MAOB: variants seen among roughly 807,000 people sequenced by gnomAD.
MAOB encodes monoamine oxidase B.
In MAOB, 15 loss-of-function variants were observed where a neutral mutation model predicts 41.9. That is an observed-to-expected ratio of 0.36 (90% CI 0.24 to 0.55). MAOB has a LOEUF of 0.55. Among genes scored for constraint, MAOB ranks in the 20% least tolerant of loss-of-function variants. The pLI, the probability that MAOB is intolerant of heterozygous loss-of-function variation, is 0.86. For synonymous variants in MAOB, 167 were observed against 144.2 expected, an observed-to-expected ratio of 1.16 and a Z score of -1.13; for missense variants, 345 against 398.7, an observed-to-expected ratio of 0.87 and a Z score of 1.15.
rs55922134 is a variant in MAOB, at chrX:43,769,432, C to A, written c.1236-14G>T. On this transcript the variant is annotated splice_polypyrimidine_tract_variant and intron_variant, in intron 12 of 14. Transcript: ENST00000378069. ...TGGCGTAGAACCCTTGGAACAAAAC[C>A]AAAGAGGCAAAAGTGGTCAGTCTCA... The A allele has an allele frequency of 8.3e-7, 1 of 1,202,630 alleles. No individual in the cohort carries two copies. Among genetic ancestry groups the A allele is most frequent in the Non-Finnish European group, 1.1e-6 (1 of 892,151 alleles).
chrX:43,808,010 C>A (rs1350041750), intron 3 of MAOB, among the ~76,000 whole-genome samples: 1 of 111,680 alleles, frequency 9.0e-6, no homozygotes, highest in Non-Finnish European at 1.9e-5. Context: ...TCCCTACCAG[C>A]AGAGTAGTGC....
chrX:43,853,267 C>CAAAAAAAAAAA (rs397957481), intron 1 of MAOB, among the ~76,000 whole-genome samples: 13 of 26,199 alleles, frequency 5.0e-4, no homozygotes, highest in East Asian at 9.4e-4. Context: ...GAGTCCGTCT[C>CAAAAAAAAAAA]AAAAAAAAAA....
In MAOB at chrX:43,803,419, A is replaced by T. The variant is rs760731460; in HGVS notation, c.280-15T>A. ...TATGATTTGCCCTGTGAGATACAAG[A>T]TATTTTTAAAAGGAAATATTTACTA... On this transcript the variant is annotated splice_polypyrimidine_tract_variant and intron_variant, in intron 3 of 14. Coordinates refer to ENST00000378069, the MANE Select transcript of MAOB (RefSeq NM_000898.5). 8.6e-7 allele frequency: 1 copy of T among 1,165,323 alleles called. No individual in the cohort carries two copies. Among genetic ancestry groups the T allele is most frequent in the Admixed American group, 3.0e-5 (1 of 32,848 alleles).
chrX:43,822,767 G>A (rs748658568), intron 3 of MAOB, among the ~76,000 whole-genome samples: 42 of 111,222 alleles, frequency 3.8e-4, no homozygotes, highest in Non-Finnish European at 6.0e-4. Flanking sequence ...GAGAAGTCAT[G>A]AGCACAAAGA....
intron 5 of MAOB, among the ~76,000 whole-genome samples, chrX:43,800,613 A>G (rs1051068448): frequency 1.3e-4 from 14 of 111,541 alleles, no homozygotes; most frequent in Middle Eastern, 4.7e-3. Context: ...AGTATTGTAT[A>G]ATGATAATAA....
chrX:43,786,708 G>A (rs1422292105), intron 8 of MAOB, among the ~76,000 whole-genome samples: 2 of 111,798 alleles, frequency 1.8e-5, no homozygotes, highest in African/African-American at 6.5e-5. Flanking sequence ...TGTGGGGATC[G>A]GTTGGACAGG....
At chrX:43,769,985 C>T (rs547104375) in intron 12 of MAOB, among the ~76,000 whole-genome samples, 1 of 111,507 alleles carries the variant, frequency 9.0e-6, no homozygotes, top group African/African-American at 3.3e-5. Flanking sequence ...CTATTATTAT[C>T]ACCATTTTGC....
rs188187542 is a variant in MAOB, at chrX:43,831,450, T to C, written c.279+7418A>G. 3.7e-3 allele frequency among the ~76,000 whole-genome samples: 411 copies of C among 110,609 alleles called. 3 individuals carry two copies. The highest frequency in any genetic ancestry group is 0.013 in the African/African-American group (394 of 30,407). On this transcript the variant is annotated intron_variant, in intron 3 of 14. Transcript: ENST00000378069. ...ACAAAAAAAAAGCCGTAACATTTGG[T>C]GTATGACATTCCAGACCTCTTATAT...
intron 3 of MAOB, among the ~76,000 whole-genome samples, chrX:43,810,540 A>AC: frequency 9.0e-6 from 1 of 110,770 alleles, no homozygotes; most frequent in East Asian, 2.8e-4. Flanking sequence ...GAGCCACAAA[A>AC]ACAAAAGCTA....
intron 1 of MAOB, among the ~76,000 whole-genome samples, chrX:43,851,084 A>G (rs1281124840): frequency 8.9e-6 from 1 of 112,013 alleles, no homozygotes; most frequent in African/African-American, 3.2e-5. Context: ...GGAAGACAAA[A>G]TTTGTTTTTG....
At chrX:43,881,102 C>T (rs2035470083) in intron 1 of MAOB, among the ~76,000 whole-genome samples, 1 of 113,145 alleles carries the variant, frequency 8.8e-6, no homozygotes, top group South Asian at 3.6e-4. Context: ...CCAGAGCCTG[C>T]TAGACAGATG....
chrX:43,822,531 A>G, intron 3 of MAOB, among the ~76,000 whole-genome samples: 1 of 111,720 alleles, frequency 9.0e-6, no homozygotes. Context: ...ATGAAGGAAG[A>G]GGCAAGTTTG....
chrX:43,775,055 G>GTTTTTTTT (rs373072993), intron 12 of MAOB, 120 bp downstream of exon 12: 4 of 616,978 alleles, frequency 6.5e-6, no homozygotes, highest in Non-Finnish European at 8.0e-6. Flanking sequence ...AAATTGGGTT[G>GTTTTTTTT]TTTTTTTTTT....
At chrX:43,773,114 T>C (rs1039515038) in intron 12 of MAOB, among the ~76,000 whole-genome samples, 1 of 112,445 alleles carries the variant, frequency 8.9e-6, no homozygotes, top group African/African-American at 3.2e-5. Flanking sequence ...TGTGGGATCC[T>C]AGCGTTTTCC....
chrX:43,847,082 G>A (rs984232232), intron 1 of MAOB, among the ~76,000 whole-genome samples: 4 of 112,241 alleles, frequency 3.6e-5, no homozygotes, highest in African/African-American at 1.3e-4. Flanking sequence ...GGTGGCTTAC[G>A]CCTGTAATCC....
At chrX:43,788,430 A>C (rs1300398643) in intron 8 of MAOB, among the ~76,000 whole-genome samples, 1 of 111,870 alleles carries the variant, frequency 8.9e-6, no homozygotes, top group Non-Finnish European at 1.9e-5. Flanking sequence ...CCCTAACAAA[A>C]ATTTCACAGG....
chrX:43,840,182 A>G (rs1296585887), intron 2 of MAOB, among the ~76,000 whole-genome samples: 1 of 112,132 alleles, frequency 8.9e-6, no homozygotes, highest in African/African-American at 3.2e-5. Flanking sequence ...GGTGTATGTC[A>G]CAGTCAATAA....
chrX:43,850,999 G>T (rs1384917334), intron 1 of MAOB, among the ~76,000 whole-genome samples: 2 of 112,015 alleles, frequency 1.8e-5, no homozygotes, highest in Non-Finnish European at 3.8e-5. Flanking sequence ...AATGAGTCTT[G>T]TTTAATAACC....
chrX:43,772,166 T>C (rs1264119683), intron 12 of MAOB, among the ~76,000 whole-genome samples: 1 of 111,795 alleles, frequency 8.9e-6, no homozygotes, highest in Non-Finnish European at 1.9e-5. Context: ...ACCATGGCCC[T>C]GAAGGGTCAA....
Sources: allele counts gnomAD v4.1 joint callset (sites outside exome capture counted in the v4.1 genomes callset), GRCh38; gene constraint gnomAD v4.1.1; transcripts MANE v1.5; gene names NCBI Gene and HGNC (gene_info 2026-07-23, HGNC 2026-07-21).